Variants in FRMD4A observed in about 807,000 individuals in gnomAD.
FRMD4A encodes the protein FERM domain containing 4A, also known as FERM domain-containing protein 4A.
FRMD4A carries 29 observed loss-of-function variants against 129.1 expected under a neutral mutation model. That is an observed-to-expected ratio of 0.22 (90% CI 0.17 to 0.31). The LOEUF (loss-of-function observed/expected upper bound fraction) is 0.31, where lower values mean the gene tolerates loss of function less well. Among genes scored for constraint, FRMD4A ranks in the 10% least tolerant of loss-of-function variants. The pLI, the probability that FRMD4A is intolerant of heterozygous loss-of-function variation, is 1.00. For missense variants in FRMD4A, 1,272 were observed against 1,375.8 expected (o/e 0.92, Z 1.19); for synonymous variants, 634 against 571.6 (o/e 1.11, Z -1.56).
rs564807988 is a variant in FRMD4A at position 14,318,787 on chromosome 10, G to A, written c.45+11271C>T. ...GAATGAACATACCCTGTGGTGGCTT[G>A]AAACATGTCCTGAACCACATCGACA... On this transcript the variant is annotated intron_variant, in intron 2 of 24. Transcript: ENST00000357447. 4.6e-5 allele frequency among the ~76,000 whole-genome samples: 7 copies of A among 152,336 alleles called. No homozygotes were observed. The East Asian group carries it at 7.7e-4, about 17-fold the overall frequency.
intron 2 of FRMD4A, among the ~76,000 whole-genome samples, chr10:13,956,405 G>C (rs2095410562): frequency 1.3e-5 from 2 of 152,220 alleles, no homozygotes. Context: ...GCCTGCCTTG[G>C]CCTCCCAAAG....
At chr10:13,861,288 T>C (rs1464043459) in intron 2 of FRMD4A, among the ~76,000 whole-genome samples, 1 of 152,216 alleles carries the variant, frequency 6.6e-6, no homozygotes, top group East Asian at 1.9e-4. Context: ...TAGTCTCTTC[T>C]CTTCTGGTTC....
chr10:13,869,461 T>G (rs1398949948), intron 2 of FRMD4A, among the ~76,000 whole-genome samples: 1 of 152,222 alleles, frequency 6.6e-6, no homozygotes, highest in Non-Finnish European at 1.5e-5. Context: ...AGGCCAAGAT[T>G]CCGCTGGGGC....
At chr10:14,155,590 T>A (rs959020253) in intron 2 of FRMD4A, among the ~76,000 whole-genome samples, 1 of 152,180 alleles carries the variant, frequency 6.6e-6, no homozygotes, top group Non-Finnish European at 1.5e-5. Flanking sequence ...ATGAGTTTTA[T>A]GTACAGAAAA....
chr10:13,953,787 T>C (rs1343651524), intron 2 of FRMD4A, among the ~76,000 whole-genome samples: 1 of 152,228 alleles, frequency 6.6e-6, no homozygotes, highest in Non-Finnish European at 1.5e-5. Flanking sequence ...AAGTAATGTA[T>C]ATATAGTGTA....
chr10:13,805,205 G>A (rs924796388), intron 4 of FRMD4A, among the ~76,000 whole-genome samples: 1 of 151,460 alleles, frequency 6.6e-6, no homozygotes, highest in East Asian at 2.0e-4. Context: ...GAGCAGTGGC[G>A]CAATCATAGC....
At chr10:14,008,115 TG>T (rs1165856002) in intron 2 of FRMD4A, 2 of 1,302,386 alleles carry the variant, frequency 1.5e-6, no homozygotes, top group Non-Finnish European at 2.0e-6. Flanking sequence ...TAAAAGTCTT[TG>T]GGATCTATTC....
intron 2 of FRMD4A, among the ~76,000 whole-genome samples, chr10:13,971,324 T>C (rs2095516901): frequency 6.6e-6 from 1 of 152,210 alleles, no homozygotes; most frequent in Non-Finnish European, 1.5e-5. Flanking sequence ...TCTGTCTGGG[T>C]GACTTTGAAC....
chr10:13,971,819 G>T, intron 2 of FRMD4A: 1 of 1,304,212 alleles, frequency 7.7e-7, no homozygotes. Context: ...AGACTCTGCC[G>T]CCAACCCTCT....
At chr10:13,732,779 G>A (rs139063689) in intron 12 of FRMD4A, among the ~76,000 whole-genome samples, 1 of 152,208 alleles carries the variant, frequency 6.6e-6, no homozygotes, top group African/African-American at 2.4e-5. Flanking sequence ...GGCTCACCCA[G>A]CCATGAGGCC....
intron 2 of FRMD4A, among the ~76,000 whole-genome samples, chr10:14,240,057 C>G (rs936636814): frequency 6.6e-6 from 1 of 152,136 alleles, no homozygotes; most frequent in Non-Finnish European, 1.5e-5. Context: ...GCATGCTCAC[C>G]TGGGCCGCCT....
At position 14,007,791 on chromosome 10, in the gene FRMD4A, G is replaced by C. The variant is rs370999139; in HGVS notation, c.46-148879C>G. Reference sequence around the variant, plus strand: ...TCTTTCAAACCCATTCCAGGGGGAAGTTTCCATCCCAATCTTTTCCCTCAT... The same window carrying C: ...TCTTTCAAACCCATTCCAGGGGGAACTTTCCATCCCAATCTTTTCCCTCAT... On this transcript the variant is annotated intron_variant, in intron 2 of 24. Coordinates refer to ENST00000357447, the MANE Select transcript of FRMD4A (RefSeq NM_018027.5). Among the ~76,000 whole-genome samples, 27 of 152,226 alleles carry C rather than the reference G, an allele frequency of 1.8e-4. No individual in the cohort carries two copies. The South Asian group carries it at 4.8e-3, about 27-fold the overall frequency.
intron 2 of FRMD4A, among the ~76,000 whole-genome samples, chr10:14,220,000 G>C (rs186557778): frequency 2.0e-5 from 3 of 152,150 alleles, no homozygotes; most frequent in Admixed American, 2.0e-4. Context: ...ATGGTGTCTA[G>C]AGCCTATCTG....
At chr10:14,220,878 A>C (rs528625812) in intron 2 of FRMD4A, among the ~76,000 whole-genome samples, 1 of 151,834 alleles carries the variant, frequency 6.6e-6, no homozygotes, top group South Asian at 2.1e-4. Context: ...AGGTGGTATC[A>C]GGGACCAGGA....
At chr10:13,702,992 G>A (rs541612982) in intron 13 of FRMD4A, among the ~76,000 whole-genome samples, 34 of 151,766 alleles carry the variant, frequency 2.2e-4, no homozygotes, top group East Asian at 5.8e-4. Flanking sequence ...GGGAGAGAGC[G>A]AGGGGGAGAT....
chr10:13,949,412 G>A (rs535193297), intron 2 of FRMD4A, among the ~76,000 whole-genome samples: 32 of 151,742 alleles, frequency 2.1e-4, no homozygotes, highest in South Asian at 8.3e-4. Flanking sequence ...TTACTTACAC[G>A]AAGTTTAGTT....
intron 2 of FRMD4A, among the ~76,000 whole-genome samples, chr10:13,942,842 A>G (rs563755201): frequency 6.6e-6 from 1 of 152,258 alleles, no homozygotes; most frequent in African/African-American, 2.4e-5. Flanking sequence ...CTGAGGCAGG[A>G]GAATTGCTTG....
intron 2 of FRMD4A, chr10:13,891,001 G>A (rs760772759): frequency 2.1e-4 from 48 of 224,204 alleles, no homozygotes; most frequent in Middle Eastern, 2.1e-3. Flanking sequence ...TGCAGCACCG[G>A]GAATCTTTTC....
chr10:14,264,386 T>C (rs1844906797), intron 2 of FRMD4A, among the ~76,000 whole-genome samples: 1 of 152,238 alleles, frequency 6.6e-6, no homozygotes, highest in South Asian at 2.1e-4. Flanking sequence ...AATTTCCTTT[T>C]AAAGCCATCA....
Sources: gnomAD v4.1 joint callset for allele counts (sites outside exome capture counted in the v4.1 genomes callset) on GRCh38, gnomAD v4.1.1 for gene constraint, MANE v1.5 for transcripts, NCBI Gene and HGNC (gene_info 2026-07-23, HGNC 2026-07-21) for gene names.